The following M1AP variants were observed in gnomAD, a reference collection of about 807,000 sequenced individuals.
The protein encoded by M1AP is meiosis 1 arrest protein.
M1AP carries 39 observed loss-of-function variants against 51.2 expected under a neutral mutation model. The observed-to-expected ratio is 0.76, with a 90% CI of 0.59 to 1.00. M1AP has a LOEUF of 1.00. M1AP is among the 50% of genes least tolerant of loss of function. M1AP has a pLI of 0.00. For missense variants in M1AP, 545 were observed against 641.2 expected (o/e 0.85, Z 1.62); for synonymous variants, 251 against 249.2 (o/e 1.01, Z -0.07).
chr2:74,623,515 A>G (rs909193905), intron 2 of M1AP, among the ~76,000 whole-genome samples: 2 of 151,936 alleles, frequency 1.3e-5, no homozygotes, highest in African/African-American at 2.4e-5. Context: ...AAAAAAAAAA[A>G]AAAGAGAGAG....
chr2:74,648,077 A>C lies in M1AP; in HGVS notation c.-53+188T>G, dbSNP rs939151808. On this transcript the variant is annotated intron_variant, in intron 1 of 10. Transcript: ENST00000421985. Reference sequence around the variant, plus strand: ...CCTGGCCGCCCAGAACAGTATGCGGAGGGATGACTCCGACAGCGATTTCGG... The same window carrying C: ...CCTGGCCGCCCAGAACAGTATGCGGCGGGATGACTCCGACAGCGATTTCGG... 7 of 985,328 alleles carry C rather than the reference A, an allele frequency of 7.1e-6. No individual in the cohort carries two copies. In the African/African-American group the frequency reaches 1.2e-4, roughly 17 times the overall value. The allele number at this position is 985,328 out of a possible 1,614,324, so 61.0% of individuals were successfully genotyped here. A position where few individuals can be genotyped will look rare whatever the true frequency, so the allele number is the denominator to read the frequency against.
chr2:74,560,946 C>G (rs1461285104), intron 8 of M1AP, among the ~76,000 whole-genome samples: 1 of 152,114 alleles, frequency 6.6e-6, no homozygotes, highest in Admixed American at 6.5e-5. Flanking sequence ...TCCAGTTCTC[C>G]CTACCCAGAG....
At chr2:74,611,547 T>G (rs1681346262) in intron 3 of M1AP, among the ~76,000 whole-genome samples, 1 of 152,224 alleles carries the variant, frequency 6.6e-6, no homozygotes, top group Non-Finnish European at 1.5e-5. Context: ...CTGATTTATT[T>G]GACTCATCTC....
At chr2:74,560,801 C>T (rs1349159477) in intron 8 of M1AP, among the ~76,000 whole-genome samples, 1 of 151,966 alleles carries the variant, frequency 6.6e-6, no homozygotes, top group Non-Finnish European at 1.5e-5. Flanking sequence ...ACCACTGGCC[C>T]CAAAGTGAGA....
chr2:74,640,624 C>T (rs1349956169), intron 1 of M1AP, among the ~76,000 whole-genome samples: 1 of 152,132 alleles, frequency 6.6e-6, no homozygotes, highest in African/African-American at 2.4e-5. Context: ...CCACGCCCAG[C>T]TAATTTTTGT....
chr2:74,600,770 A>C (rs1432029994), intron 4 of M1AP, among the ~76,000 whole-genome samples: 2 of 152,254 alleles, frequency 1.3e-5, no homozygotes, highest in African/African-American at 4.8e-5. Context: ...AAAAAATTAT[A>C]TACATGAATT....
At chr2:74,632,872 G>A (rs184809613) in intron 2 of M1AP, among the ~76,000 whole-genome samples, 28 of 152,154 alleles carry the variant, frequency 1.8e-4, no homozygotes, top group Non-Finnish European at 3.2e-4. Context: ...GATTCAACTA[G>A]GTCCAAATGT....
rs537218810 is a variant in M1AP, at chr2:74,598,482, T to C, written c.595+8573A>G. Reference sequence around the variant, plus strand: ...TTGAGCTTTATAAATAAGTATCATATAGTATACACCTCTATCTGCTTTTTT... The same window carrying C: ...TTGAGCTTTATAAATAAGTATCATACAGTATACACCTCTATCTGCTTTTTT... On this transcript the variant is annotated intron_variant, in intron 4 of 10. Transcript: ENST00000421985. 3.5e-4 allele frequency among the ~76,000 whole-genome samples: 53 copies of C among 152,240 alleles called. 1 individual carries two copies. The highest frequency in any genetic ancestry group is 1.2e-3 in the African/African-American group (50 of 41,562).
rs1558644855 is a variant in M1AP at position 74,562,284 on chromosome 2, A to G, written c.1214T>C (p.Leu405Pro). 6.2e-7 allele frequency: 1 copy of G among 1,614,094 alleles called. No homozygotes were observed. The change falls in exon 8 of 11, where the codon CTG (leucine) becomes CCG (proline). Residue 405 changes from leucine (L) to proline (P), a missense_variant. By Grantham distance (98) the Leu-to-Pro change is moderately conservative. Coordinates refer to ENST00000421985, the MANE Select transcript of M1AP (RefSeq NM_001321739.2). Reference sequence around the variant, plus strand: ...CAGGGGGAAGGTGCTGGGCAGCATCAGTTCCCGCGTGGCCACCGCCTTTAC... The same window carrying G: ...CAGGGGGAAGGTGCTGGGCAGCATCGGTTCCCGCGTGGCCACCGCCTTTAC... ...LLVKAVATRE[L>P]MLPSTFPLLP...
At chr2:74,586,689 G>A (rs551957910) in intron 4 of M1AP, among the ~76,000 whole-genome samples, 1 of 152,190 alleles carries the variant, frequency 6.6e-6, no homozygotes, top group South Asian at 2.1e-4. Context: ...GAAAGACCAG[G>A]GTTTGACTTG....
chr2:74,626,096 C>T (rs1252148474), intron 2 of M1AP, among the ~76,000 whole-genome samples: 1 of 152,148 alleles, frequency 6.6e-6, no homozygotes, highest in African/African-American at 2.4e-5. Flanking sequence ...TACAAATACA[C>T]ATTCTGCAAT....
intron 7 of M1AP, among the ~76,000 whole-genome samples, chr2:74,563,260 CAGAT>C (rs539869367): frequency 3.3e-5 from 5 of 151,870 alleles, no homozygotes; most frequent in African/African-American, 1.2e-4. Flanking sequence ...GATAGACAGA[CAGAT>C]AGAGAGAAGG....
chr2:74,577,961 C>T (rs1558656045), intron 5 of M1AP, among the ~76,000 whole-genome samples: 1 of 152,180 alleles, frequency 6.6e-6, no homozygotes, highest in African/African-American at 2.4e-5. Flanking sequence ...GGTACTGTTC[C>T]ACCTCAGATC....
intron 8 of M1AP, 192 bp downstream of exon 8, chr2:74,562,025 C>T (rs1573055094): frequency 5.1e-6 from 5 of 985,370 alleles, no homozygotes; most frequent in Non-Finnish European, 6.0e-6. Context: ...CACTCCTTAC[C>T]CTGCTGCCAT....
intron 4 of M1AP, among the ~76,000 whole-genome samples, chr2:74,590,944 G>A (rs1269565494): frequency 1.3e-5 from 2 of 152,158 alleles, no homozygotes; most frequent in African/African-American, 4.8e-5. Flanking sequence ...TAGCCAGCCT[G>A]GTGCTTACTT....
At chr2:74,559,427 C>T (rs1008936429) in intron 10 of M1AP, among the ~76,000 whole-genome samples, 2 of 151,940 alleles carry the variant, frequency 1.3e-5, no homozygotes, top group Non-Finnish European at 2.9e-5. Flanking sequence ...TCCAAAGTGC[C>T]GGAATTATAG....
At chr2:74,632,684 T>G (rs1682771513) in intron 2 of M1AP, among the ~76,000 whole-genome samples, 1 of 152,216 alleles carries the variant, frequency 6.6e-6, no homozygotes, top group African/African-American at 2.4e-5. Flanking sequence ...GTTTAGATTC[T>G]TGCTTATACT....
At chr2:74,603,945 C>A (rs1162218900) in intron 4 of M1AP, among the ~76,000 whole-genome samples, 2 of 152,062 alleles carry the variant, frequency 1.3e-5, no homozygotes, top group African/African-American at 4.8e-5. Flanking sequence ...GTATGCATAA[C>A]CATGAAAAAG....
intron 2 of M1AP, among the ~76,000 whole-genome samples, chr2:74,622,931 T>C (rs1049594441): frequency 9.7e-5 from 14 of 143,598 alleles, no homozygotes; most frequent in African/African-American, 2.9e-4. Context: ...ATAAATAGAT[T>C]ATACACTTTA....
Sources: allele counts gnomAD v4.1 joint callset (sites outside exome capture counted in the v4.1 genomes callset), GRCh38; gene constraint gnomAD v4.1.1; transcripts MANE v1.5; gene names NCBI Gene and HGNC (gene_info 2026-07-23, HGNC 2026-07-21).